The following PLEKHA7 variants were observed in gnomAD, a reference collection of about 807,000 sequenced individuals.
PLEKHA7 encodes the protein pleckstrin homology domain-containing family A member 7.
In PLEKHA7, 104 loss-of-function variants were observed where a neutral mutation model predicts 170.0. That is an observed-to-expected ratio of 0.61 (90% CI 0.52 to 0.72). The LOEUF is 0.72. Among genes scored for constraint, PLEKHA7 ranks in the 30% least tolerant of loss-of-function variants. The pLI, the probability that PLEKHA7 is intolerant of heterozygous loss-of-function variation, is 0.00. For synonymous variants in PLEKHA7, 648 were observed against 660.8 expected, an observed-to-expected ratio of 0.98 and a Z score of 0.30; for missense variants, 1,615 against 1,671.7, an observed-to-expected ratio of 0.97 and a Z score of 0.59.
At chr11:16,837,061 T>A (rs1030456647) in intron 9 of PLEKHA7, among the ~76,000 whole-genome samples, 1 of 152,164 alleles carries the variant, frequency 6.6e-6, no homozygotes, top group African/African-American at 2.4e-5. Flanking sequence ...TGACCTCAAG[T>A]TGTCCGCCTG....
chr11:16,830,722 C>T (rs1366079785), intron 9 of PLEKHA7, among the ~76,000 whole-genome samples: 1 of 152,214 alleles, frequency 6.6e-6, no homozygotes, highest in Admixed American at 6.5e-5. Flanking sequence ...ATACAGCCCC[C>T]ACTGGGACAG....
chr11:16,997,430 C>A (rs1331523465), intron 3 of PLEKHA7, among the ~76,000 whole-genome samples: 1 of 152,152 alleles, frequency 6.6e-6, no homozygotes, highest in Non-Finnish European at 1.5e-5. Context: ...CTGAGTGGGG[C>A]TAGGGTGGGG....
intron 3 of PLEKHA7, among the ~76,000 whole-genome samples, chr11:16,875,450 T>TC (rs919294858): frequency 6.6e-6 from 1 of 151,506 alleles, no homozygotes; most frequent in African/African-American, 2.4e-5. Context: ...TCTTTCCTTT[T>TC]TTTTTCTTTT....
chr11:16,872,214 C>A (rs1475405815), intron 3 of PLEKHA7, among the ~76,000 whole-genome samples: 1 of 152,030 alleles, frequency 6.6e-6, no homozygotes, highest in Non-Finnish European at 1.5e-5. Flanking sequence ...AGTGACCCAC[C>A]CACCTCAGCC....
chr11:16,832,163 C>T (rs1177553766), intron 9 of PLEKHA7, among the ~76,000 whole-genome samples: 4 of 152,166 alleles, frequency 2.6e-5, no homozygotes, highest in Non-Finnish European at 5.9e-5. Flanking sequence ...TGATAAAAAG[C>T]CCACGTCCCT....
rs1276573200 is a variant in PLEKHA7, at chr11:16,791,350, C to A, written c.2746-151G>T. On this transcript the variant is annotated intron_variant, in intron 19 of 26. Transcript: ENST00000531066. This position sits in a 1 kb window ranked among gnomAD's most constrained non-coding sequence, Gnocchi z 4.5. ...CCTCAGCCAAGGAGCACTCACACTT[C>A]CCCTGGCGGAGCAGTGAAGAAGGGA... is the stretch of plus-strand genomic sequence containing the variant. The A allele has an allele frequency of 8.6e-6, 6 of 698,512 alleles. No homozygotes were observed. The highest frequency in any genetic ancestry group is 1.4e-5 in the Non-Finnish European group (6 of 416,872). The allele number at this position is 698,512 out of a possible 1,614,324, so 43.3% of individuals were successfully genotyped here.
At chr11:17,004,038 G>A (rs1439194328) in intron 3 of PLEKHA7, among the ~76,000 whole-genome samples, 3 of 152,190 alleles carry the variant, frequency 2.0e-5, no homozygotes, top group African/African-American at 7.2e-5. Context: ...GGGGGAACTC[G>A]CATTCCTCTG....
intron 1 of PLEKHA7, 40 bp downstream of exon 1, chr11:17,014,276 C>T: frequency 1.4e-6 from 2 of 1,412,588 alleles, no homozygotes; most frequent in Non-Finnish European, 1.8e-6. Context: ...CCCCCGCGCC[C>T]CCACCCGCGT....
chr11:16,838,514 T>TAA lies in PLEKHA7; in HGVS notation c.872+3031_872+3032dup, dbSNP rs56823340. Among the ~76,000 whole-genome samples the TAA allele has an allele frequency of 2.0e-3, 255 of 128,486 alleles. 2 individuals carry two copies. The highest frequency in any genetic ancestry group is 7.2e-3 in the African/African-American group (237 of 33,030). 84.3% of individuals were successfully genotyped at this position (128,486 alleles called of 152,430 possible). On this transcript the variant is annotated intron_variant, in intron 9 of 26. Transcript: ENST00000531066. ...GGTGATAGATTGAGACTCTGTGTCT[T>TAA]AAAAAAAAAAAAAAAAAGTGGAAAT... is the stretch of plus-strand genomic sequence containing the variant.
chr11:16,920,139 GGGCT>G (rs963497352), intron 3 of PLEKHA7, among the ~76,000 whole-genome samples: 14 of 152,212 alleles, frequency 9.2e-5, no homozygotes, highest in African/African-American at 3.4e-4. Context: ...CACATGGAAA[GGGCT>G]GGCTATCAGA....
At chr11:16,832,396 G>A (rs555662861) in intron 9 of PLEKHA7, among the ~76,000 whole-genome samples, 16 of 152,292 alleles carry the variant, frequency 1.1e-4, no homozygotes, top group Non-Finnish European at 1.6e-4. Context: ...TCTGTTTAGA[G>A]CAAATTCTTA....
intron 3 of PLEKHA7, among the ~76,000 whole-genome samples, chr11:17,000,641 T>C (rs1283508854): frequency 2.0e-5 from 3 of 152,188 alleles, no homozygotes; most frequent in East Asian, 3.8e-4. Context: ...GCTTCCTTCA[T>C]AGGAGTAGTA....
chr11:16,778,988 G>A lies in PLEKHA7; in HGVS notation c.*10C>T, dbSNP rs1188220936. ...TGGGCCCCTGGCTCCAGGCTTCTTT[G>A]CATGCTGGGTCACGGGTCAGTCACT... On this transcript the variant is annotated 3_prime_UTR_variant, in exon 27 of 27. Coordinates refer to ENST00000531066, the MANE Select transcript of PLEKHA7 (RefSeq NM_001329630.2). The A allele has an allele frequency of 1.4e-6, 1 of 702,624 alleles. No individual in the cohort carries two copies. Among genetic ancestry groups the A allele is most frequent in the African/African-American group, 1.7e-5 (1 of 57,394 alleles). The allele number at this position is 702,624 out of a possible 1,614,324, so 43.5% of individuals were successfully genotyped here.
chr11:16,813,378 G>C (rs1849517689), intron 12 of PLEKHA7: 1 of 456,490 alleles, frequency 2.2e-6, no homozygotes, highest in Non-Finnish European at 4.1e-6. Context: ...TCACTGTGGG[G>C]AAAGTCAGCT....
chr11:16,808,076 G>A lies in PLEKHA7; in HGVS notation c.2008-4781C>T, dbSNP rs147158837. Among the ~76,000 whole-genome samples the A allele has an allele frequency of 4.5e-4, 68 of 152,102 alleles. No homozygotes were observed. In the East Asian group the frequency reaches 0.012, roughly 27 times the overall value. On this transcript the variant is annotated intron_variant, in intron 13 of 26. Transcript: ENST00000531066. ...TCTGGGGTGGGACCCAAGATTTTGC[G>A]TTTCTAATGAATTCCCAGATACTGA...
intron 24 of PLEKHA7, 85 bp from the exon 25 acceptor site, chr11:16,783,918 C>T: frequency 7.9e-7 from 1 of 1,264,056 alleles, no homozygotes; most frequent in Non-Finnish European, 1.0e-6. Flanking sequence ...TCCCCTCCCA[C>T]CATGGGAAGC....
At chr11:16,913,573 C>T (rs1341025484) in intron 3 of PLEKHA7, among the ~76,000 whole-genome samples, 1 of 152,178 alleles carries the variant, frequency 6.6e-6, no homozygotes, top group African/African-American at 2.4e-5. Context: ...TGTTCCACTC[C>T]ACTGAGGGGA....
rs199820686 is a variant in PLEKHA7, at chr11:16,892,432, G to GTGTTTTGTTTTGTTTTGTTT, written c.222-21270_222-21251dup. On this transcript the variant is annotated intron_variant, in intron 3 of 26. Transcript: ENST00000531066. ...TGTGTGTGTGTGTGTGTGTGTGTGT[G>GTGTTTTGTTTTGTTTTGTTT]TGTTTTGTTTTGTTTTGTTTTGTTT... 3.0e-3 allele frequency among the ~76,000 whole-genome samples: 350 copies of GTGTTTTGTTTTGTTTTGTTT among 115,000 alleles called. 1 individual carries two copies. The highest frequency in any genetic ancestry group is 9.9e-3 in the East Asian group (39 of 3,936). The allele number at this position is 115,000 out of a possible 152,430, so 75.4% of individuals were successfully genotyped here. A position where few individuals can be genotyped will look rare whatever the true frequency, so the allele number is the denominator to read the frequency against.
chr11:16,788,834 C>T (rs1307859861), intron 23 of PLEKHA7: 11 of 553,596 alleles, frequency 2.0e-5, no homozygotes, highest in East Asian at 9.0e-5. Context: ...CCCTCTCCAT[C>T]GCGGCTGGGA....
Sources: gnomAD v4.1 joint callset for allele counts (sites outside exome capture counted in the v4.1 genomes callset) on GRCh38, gnomAD v4.1.1 for gene constraint, Gnocchi (gnomAD v3.1) non-coding constraint, MANE v1.5 for transcripts, NCBI Gene and HGNC (gene_info 2026-07-23, HGNC 2026-07-21) for gene names.